PLTP: variants seen among roughly 807,000 people sequenced by gnomAD.
The protein encoded by PLTP is phospholipid transfer protein, also known as BPI fold containing family E.
In PLTP, 43 loss-of-function variants were observed where a neutral mutation model predicts 54.1. That is an observed-to-expected ratio of 0.79 (90% confidence interval 0.62 to 1.02). The LOEUF (loss-of-function observed/expected upper bound fraction) is 1.02. PLTP is among the 50% of genes least tolerant of loss of function. The pLI, the probability that PLTP is intolerant of heterozygous loss-of-function variation, is 0.00. For missense variants in PLTP, 604 were observed against 645.9 expected, an observed-to-expected ratio of 0.94 and a Z score of 0.70; for synonymous variants, 263 against 264.6, an observed-to-expected ratio of 0.99 and a Z score of 0.06.
chr20:45,904,612 GGCAGGAAGGA>G (rs72125427), intron 10 of PLTP, among the ~76,000 whole-genome samples, 178 bp downstream of exon 10: 3,419 of 152,314 alleles, frequency 0.022, 128 homozygotes, highest in African/African-American at 0.078. Flanking sequence ...AAGGAGATGG[GGCAGGAAGGA>G]GCAGGAAGGA....
At chr20:45,906,538 A>G (rs1316911999) in intron 7 of PLTP, among the ~76,000 whole-genome samples, 179 bp from the exon 8 acceptor site, 1 of 152,164 alleles carries the variant, frequency 6.6e-6, no homozygotes, top group Non-Finnish European at 1.5e-5. Flanking sequence ...GGTGCTCATT[A>G]ATGTTAGTTA....
In PLTP at chr20:45,909,966, C is replaced by G; in HGVS notation, c.305G>C (p.Arg102Pro). The G allele has an allele frequency of 3.7e-6, 6 of 1,614,082 alleles. No individual in the cohort carries two copies. Among genetic ancestry groups the G allele is most frequent in the Non-Finnish European group, 5.1e-6 (6 of 1,179,996 alleles). The change falls in exon 4 of 16, where the codon CGG (arginine) becomes CCG (proline). Residue 102 changes from arginine to proline, a missense_variant. By Grantham distance (103) the Arg-to-Pro change is moderately radical. Transcript: ENST00000372431. ...CAAGAACCAGTAGAGCAGCTGTCTC[C>G]GGAAGCGCAGCCCCAAGGAGGCATT... ...ITNASLGLRF[R>P]RQLLYWFFYD...
intron 5 of PLTP, among the ~76,000 whole-genome samples, chr20:45,909,175 GGAT>G (rs2083266688): frequency 6.6e-6 from 1 of 152,056 alleles, no homozygotes. Context: ...ATGTTGGCCA[GGAT>G]GATCTCGATC....
rs1601164626 is a variant in PLTP, at chr20:45,908,020, A to T, written c.486-116T>A. On this transcript the variant is annotated intron_variant, in intron 5 of 15. Coordinates refer to ENST00000372431, the MANE Select transcript of PLTP (RefSeq NM_006227.4). Reference sequence around the variant, plus strand: ...AGTAGGAGTCCTCAGCTTCAGCCTGAATAACAGCTCCTCCACGTAGGTTTT... The same window carrying T: ...AGTAGGAGTCCTCAGCTTCAGCCTGTATAACAGCTCCTCCACGTAGGTTTT... 18 of 899,332 alleles carry T rather than the reference A, an allele frequency of 2.0e-5. No individual in the cohort carries two copies. The East Asian group carries it at 4.7e-4, about 24-fold the overall frequency. The allele number at this position is 899,332 out of a possible 1,614,324, so 55.7% of individuals were successfully genotyped here. A position where few individuals can be genotyped will look rare whatever the true frequency, so the allele number is the denominator to read the frequency against.
At chr20:45,901,111 G>A (rs1014285823) in intron 12 of PLTP, among the ~76,000 whole-genome samples, 1 of 152,116 alleles carries the variant, frequency 6.6e-6, no homozygotes, top group Non-Finnish European at 1.5e-5. Context: ...TATCTGCACC[G>A]TCTACTATGG....
At chr20:45,900,551 C>T (rs2083175159) in intron 12 of PLTP, among the ~76,000 whole-genome samples, 4 of 151,980 alleles carry the variant, frequency 2.6e-5, no homozygotes, top group Non-Finnish European at 5.9e-5. Context: ...ATTTTTGAGA[C>T]AGCGTCTCAC....
At position 45,911,263 on chromosome 20, in the gene PLTP, G is replaced by A. The variant is rs765010314; in HGVS notation, c.101-12C>T. On this transcript the variant is annotated splice_polypyrimidine_tract_variant and intron_variant, in intron 2 of 15. Transcript: ENST00000372431. Reference sequence around the variant, plus strand: ...CCCCTCCTGCTTCACTGAAGCAGCAGAGAAACCCTTACTTAGCTCCCGTGC... The same window carrying A: ...CCCCTCCTGCTTCACTGAAGCAGCAAAGAAACCCTTACTTAGCTCCCGTGC... 2 of 1,613,968 alleles carry A rather than the reference G, an allele frequency of 1.2e-6. No homozygotes were observed. Among genetic ancestry groups the A allele is most frequent in the Non-Finnish European group, 1.7e-6 (2 of 1,179,818 alleles).
chr20:45,911,138 C>T lies in PLTP; in HGVS notation c.200+14G>A. 1.2e-6 allele frequency: 2 copies of T among 1,612,742 alleles called. No individual in the cohort carries two copies. The highest frequency in any genetic ancestry group is 1.7e-6 in the Non-Finnish European group (2 of 1,178,776). On this transcript the variant is annotated intron_variant, in intron 3 of 15. Transcript: ENST00000372431. ...GGCCCCGCCCCGGATCGCGAGGCCC[C>T]GCCCCCCACTTACTCAGAGATGTTG...
chr20:45,899,748 G>A (rs1226750921), intron 13 of PLTP, 63 bp from the exon 14 acceptor site: 14 of 1,605,274 alleles, frequency 8.7e-6, no homozygotes, highest in South Asian at 2.2e-5. Context: ...TTAGCTGCCC[G>A]CAGGTGAGCA....
At position 45,911,475 on chromosome 20, in the gene PLTP, G is replaced by T; in HGVS notation, c.-11-12C>A. Reference sequence around the variant, plus strand: ...CATGGCGAGCGGGCCTGGGGGTGGGGTGGGGTCGCAGGAGTTATCTGAGCC... The same window carrying T: ...CATGGCGAGCGGGCCTGGGGGTGGGTTGGGGTCGCAGGAGTTATCTGAGCC... On this transcript the variant is annotated splice_polypyrimidine_tract_variant and intron_variant, in intron 1 of 15. Transcript: ENST00000372431. 1 of 1,600,838 alleles carries T rather than the reference G, an allele frequency of 6.2e-7. No homozygotes were observed. Among genetic ancestry groups the T allele is most frequent in the Non-Finnish European group, 8.5e-7 (1 of 1,179,802 alleles).
chr20:45,899,360 G>A (rs2083150979), intron 15 of PLTP, 102 bp downstream of exon 15: 3 of 1,261,172 alleles, frequency 2.4e-6, no homozygotes, highest in East Asian at 2.4e-5. Flanking sequence ...AATGGGAGGG[G>A]CGACTGGTAA....
In PLTP at chr20:45,910,829, C is replaced by G. The variant is rs552987050; in HGVS notation, c.200+323G>C. The G allele has an allele frequency of 6.4e-6, 8 of 1,255,880 alleles. No individual in the cohort carries two copies. In the African/African-American group the frequency reaches 1.2e-4, roughly 19 times the overall value. The allele number at this position is 1,255,880 out of a possible 1,614,324, so 77.8% of individuals were successfully genotyped here. On this transcript the variant is annotated intron_variant, in intron 3 of 15. Transcript: ENST00000372431. ...CCTCCGATTAACTCCACCCCGTGCC[C>G]GAGACTCCACTCTCATCTATTGGGA...
Position 45,911,472 on chromosome 20 carries a change from G to T in PLTP, c.-11-9C>A. On this transcript the variant is annotated splice_polypyrimidine_tract_variant and intron_variant, in intron 1 of 15. Coordinates refer to ENST00000372431, the MANE Select transcript of PLTP (RefSeq NM_006227.4). ...GGCCATGGCGAGCGGGCCTGGGGGT[G>T]GGGTGGGGTCGCAGGAGTTATCTGA... 1 of 1,601,110 alleles carries T rather than the reference G, an allele frequency of 6.2e-7. No individual in the cohort carries two copies. Among genetic ancestry groups the T allele is most frequent in the South Asian group, 1.1e-5 (1 of 91,068 alleles).
At chr20:45,911,023 C>G (rs1246444236) in intron 3 of PLTP, 129 bp downstream of exon 3, 3 of 1,597,488 alleles carry the variant, frequency 1.9e-6, no homozygotes, top group East Asian at 2.2e-5. Context: ...TTTCTTAAGT[C>G]TTGCCTCATC....
At chr20:45,900,451 A>G (rs2083174088) in intron 12 of PLTP, among the ~76,000 whole-genome samples, 1 of 152,008 alleles carries the variant, frequency 6.6e-6, no homozygotes, top group Non-Finnish European at 1.5e-5. Flanking sequence ...GTAGCTTTGC[A>G]GGTGTTATTT....
Position 45,902,522 on chromosome 20 carries a change from G to A in PLTP, c.1025C>T (p.Thr342Ile), listed in dbSNP as rs1280136238. ...PPRCTIKPSG[T>I]TISVTASVTI... is the part of the protein sequence containing the mutation. Reference sequence around the variant, plus strand: ...GACGCTAGCAGTGACAGAGATGGTGGTGCCAGAGGGCTTGATGGTGCAGCG... The same window carrying A: ...GACGCTAGCAGTGACAGAGATGGTGATGCCAGAGGGCTTGATGGTGCAGCG... The change falls in exon 11 of 16, where the codon ACC becomes ATC. Residue 342 changes from threonine to isoleucine, a missense_variant. Thr to Ile is a moderately conservative substitution (Grantham distance 89). Coordinates refer to ENST00000372431, the MANE Select transcript of PLTP (RefSeq NM_006227.4). The A allele has an allele frequency of 1.2e-6, 2 of 1,614,030 alleles. No individual in the cohort carries two copies. Among genetic ancestry groups the A allele is most frequent in the African/African-American group, 2.7e-5 (2 of 74,950 alleles).
Position 45,904,997 on chromosome 20 carries a change from G to C in PLTP, c.827C>G (p.Ala276Gly), listed in dbSNP as rs1400043393. 1 of 1,614,064 alleles carries C rather than the reference G, an allele frequency of 6.2e-7. No homozygotes were observed. Among genetic ancestry groups the C allele is most frequent in the East Asian group, 2.2e-5 (1 of 44,894 alleles). Residue 276 changes from alanine to glycine, a missense_variant, in exon 9 of 16, where the codon GCC becomes GGC. Physicochemically the swap from Ala to Gly is moderately conservative, Grantham distance 60. Coordinates refer to ENST00000372431, the MANE Select transcript of PLTP (RefSeq NM_006227.4). ...VAFSEFFFDS[A>G]MESYFRAGAL... ...CCCCGCCCGGAAGTAGCTCTCCATGGCAGAGTCGAAGAAGAACTCAGAGAA... is the reference window on the plus strand; with the variant it reads ...CCCCGCCCGGAAGTAGCTCTCCATGCCAGAGTCGAAGAAGAACTCAGAGAA...
intron 15 of PLTP, 133 bp downstream of exon 15, chr20:45,899,329 C>G (rs2145827107): frequency 9.8e-7 from 1 of 1,016,534 alleles, no homozygotes; most frequent in Middle Eastern, 3.0e-4. Flanking sequence ...TGTGCAACGG[C>G]TTTTAGGAGT....
chr20:45,899,086 T>A (rs2083147620), intron 15 of PLTP, 23 bp from the exon 16 acceptor site: 1 of 1,613,954 alleles, frequency 6.2e-7, no homozygotes, highest in South Asian at 1.1e-5. Context: ...GAGGGGAGCC[T>A]CATTTATTCA....
Sources: gnomAD v4.1 joint callset for allele counts (sites outside exome capture counted in the v4.1 genomes callset) on GRCh38, gnomAD v4.1.1 for gene constraint, MANE v1.5 for transcripts, NCBI Gene and HGNC (gene_info 2026-07-23, HGNC 2026-07-21) for gene names.